PSD3: variants seen among roughly 807,000 people sequenced by gnomAD.
PSD3 encodes PH and SEC7 domain-containing protein 3.
PSD3 carries 49 observed loss-of-function variants against 105.5 expected under a neutral mutation model. That is an observed-to-expected ratio of 0.46 (90% CI 0.37 to 0.59). The LOEUF is 0.59. Among genes scored for constraint, PSD3 ranks in the 20% least tolerant of loss-of-function variants. The pLI is 0.00. For synonymous variants in PSD3, 557 were observed against 457.8 expected (o/e 1.22, Z -2.77); for missense variants, 1,561 against 1,263.8 (o/e 1.24, Z -3.57).
At chr8:18,941,913 T>C (rs1160390385) in intron 1 of PSD3, among the ~76,000 whole-genome samples, 1 of 152,062 alleles carries the variant, frequency 6.6e-6, no homozygotes, top group Non-Finnish European at 1.5e-5. Context: ...CCTCAGGTGA[T>C]CCGCCCGCCT....
At chr8:18,797,920 G>A (rs1004507806) in intron 8 of PSD3, among the ~76,000 whole-genome samples, 9 of 152,198 alleles carry the variant, frequency 5.9e-5, no homozygotes, top group African/African-American at 2.2e-4. Context: ...AATGTTATAT[G>A]TGGCCAAACG....
At chr8:18,957,213 A>C (rs1441971235) in intron 1 of PSD3, among the ~76,000 whole-genome samples, 1 of 152,102 alleles carries the variant, frequency 6.6e-6, no homozygotes, top group African/African-American at 2.4e-5. Flanking sequence ...TCTACCAAAA[A>C]TACAAAAATT....
chr8:18,551,432 T>C (rs539296196), intron 15 of PSD3, among the ~76,000 whole-genome samples: 1 of 152,230 alleles, frequency 6.6e-6, no homozygotes, highest in Non-Finnish European at 1.5e-5. Flanking sequence ...TGCACATATA[T>C]CAATTTTGGA....
chr8:18,720,137 A>G (rs1353507426), intron 9 of PSD3, among the ~76,000 whole-genome samples: 1 of 152,108 alleles, frequency 6.6e-6, no homozygotes, highest in Non-Finnish European at 1.5e-5. Context: ...TGTAGAGAAA[A>G]TCTGCAGATA....
At chr8:19,077,071 G>T (rs1331373367) in intron 1 of PSD3, among the ~76,000 whole-genome samples, 1 of 152,056 alleles carries the variant, frequency 6.6e-6, no homozygotes, top group Non-Finnish European at 1.5e-5. Context: ...ATAGGATATT[G>T]GAAATGCTTT....
At chr8:18,945,508 C>T (rs1380201360) in intron 1 of PSD3, among the ~76,000 whole-genome samples, 1 of 152,212 alleles carries the variant, frequency 6.6e-6, no homozygotes, top group East Asian at 1.9e-4. Context: ...CCTAAGACTC[C>T]TTTCCGACTT....
chr8:18,889,750 G>A (rs1359006657), intron 2 of PSD3, among the ~76,000 whole-genome samples: 2 of 152,138 alleles, frequency 1.3e-5, no homozygotes, highest in African/African-American at 4.8e-5. Flanking sequence ...TCATTTCCAT[G>A]TCTGGATGTC....
intron 12 of PSD3, among the ~76,000 whole-genome samples, chr8:18,583,557 C>A (rs985160248): frequency 2.0e-5 from 3 of 152,164 alleles, no homozygotes; most frequent in Admixed American, 6.5e-5. Flanking sequence ...CACCACTGAA[C>A]CTGCAGTTCC....
intron 9 of PSD3, among the ~76,000 whole-genome samples, chr8:18,687,264 G>T (rs892113371): frequency 3.3e-5 from 5 of 152,078 alleles, no homozygotes; most frequent in African/African-American, 1.2e-4. Context: ...AAGAGTTCAA[G>T]ACCAACCTGG....
chr8:18,571,523 T>C (rs1463732198), intron 14 of PSD3, among the ~76,000 whole-genome samples: 2 of 152,222 alleles, frequency 1.3e-5, no homozygotes, highest in Non-Finnish European at 1.5e-5. Context: ...TTATCCTTCC[T>C]GTACTTCTAT....
intron 4 of PSD3, among the ~76,000 whole-genome samples, chr8:18,834,651 C>G (rs545993150): frequency 6.6e-6 from 1 of 152,164 alleles, no homozygotes; most frequent in African/African-American, 2.4e-5. Context: ...ACTGAAAGGT[C>G]ACATAAAGTA....
chr8:18,865,228 A>G (rs1355622009), intron 4 of PSD3: 1 of 4,438 alleles, frequency 2.3e-4, no homozygotes, highest in African/African-American at 9.9e-4. Flanking sequence ...TCTATGTTAT[A>G]TATATATATA....
At chr8:18,927,999 T>C (rs1821483483) in intron 2 of PSD3, among the ~76,000 whole-genome samples, 1 of 152,180 alleles carries the variant, frequency 6.6e-6, no homozygotes, top group African/African-American at 2.4e-5. Flanking sequence ...CTTCTAGCTG[T>C]ATACCCAAAA....
At chr8:19,063,102 A>G (rs1323514907) in intron 1 of PSD3, among the ~76,000 whole-genome samples, 1 of 152,242 alleles carries the variant, frequency 6.6e-6, no homozygotes, top group Non-Finnish European at 1.5e-5. Flanking sequence ...CTGTTATTTC[A>G]AATTTGCTAA....
intron 12 of PSD3, among the ~76,000 whole-genome samples, chr8:18,582,878 T>C (rs1228341613): frequency 6.8e-6 from 1 of 146,872 alleles, no homozygotes; most frequent in Non-Finnish European, 1.5e-5. Flanking sequence ...CAGGCTGGAG[T>C]GCAGTGGCAA....
rs1185728265 is a variant in PSD3 at position 18,752,479 on chromosome 8, T to TATTATATA, written c.2172+12969_2172+12970insTATATAAT. On this transcript the variant is annotated intron_variant, in intron 9 of 15. Coordinates refer to ENST00000327040, the MANE Select transcript of PSD3 (RefSeq NM_015310.4). ...ATCCCTAACTTTTCAAATATATATA[T>TATTATATA]TATTATATATATAATATATATAATA... 2.7e-3 allele frequency among the ~76,000 whole-genome samples: 165 copies of TATTATATA among 60,438 alleles called. 2 individuals are homozygous for TATTATATA. In the East Asian group the frequency reaches 0.045, roughly 16 times the overall value. The allele number at this position is 60,438 out of a possible 152,430, so 39.6% of individuals were successfully genotyped here. A position where few individuals can be genotyped will look rare whatever the true frequency, so the allele number is the denominator to read the frequency against.
chr8:18,728,935 T>C (rs530350070), intron 9 of PSD3, among the ~76,000 whole-genome samples: 22 of 152,330 alleles, frequency 1.4e-4, no homozygotes, highest in African/African-American at 4.3e-4. Flanking sequence ...TTCTGGAAGA[T>C]TTCTTTTAAG....
intron 15 of PSD3, among the ~76,000 whole-genome samples, chr8:18,547,568 G>A (rs1423679494): frequency 1.3e-5 from 2 of 152,110 alleles, no homozygotes; most frequent in Admixed American, 6.5e-5. Context: ...GAACACTACA[G>A]GGAATCTCAC....
At chr8:18,898,314 T>C (rs80146581) in intron 2 of PSD3, among the ~76,000 whole-genome samples, 1,685 of 152,314 alleles carry the variant, frequency 0.011, 35 homozygotes, top group African/African-American at 0.038. Context: ...ATAAGTGTTA[T>C]ATCTGCTTGC....
Sources: gnomAD v4.1 joint callset for allele counts (sites outside exome capture counted in the v4.1 genomes callset) on GRCh38, gnomAD v4.1.1 for gene constraint, MANE v1.5 for transcripts, NCBI Gene and HGNC (gene_info 2026-07-23, HGNC 2026-07-21) for gene names.